The following FMNL2 variants were observed in gnomAD, a reference collection of about 807,000 sequenced individuals.
FMNL2 encodes formin like 2.
FMNL2 carries 51 observed loss-of-function variants against 130.2 expected under a neutral mutation model. The observed-to-expected ratio is 0.39, with a 90% CI of 0.31 to 0.49. FMNL2 has a LOEUF of 0.49. Ranked by LOEUF, FMNL2 falls within the 20% of genes least tolerant of loss-of-function variation. The pLI, the probability that FMNL2 is intolerant of heterozygous loss-of-function variation, is 0.85. For synonymous variants in FMNL2, 465 were observed against 467.1 expected, an observed-to-expected ratio of 1.00 and a Z score of 0.06; for missense variants, 977 against 1,316.2, an observed-to-expected ratio of 0.74 and a Z score of 3.99.
intron 17 of FMNL2, among the ~76,000 whole-genome samples, chr2:152,627,504 A>G (rs550537345): frequency 6.6e-6 from 1 of 152,194 alleles, no homozygotes; most frequent in Non-Finnish European, 1.5e-5. Context: ...CTTTGTTCCA[A>G]TTTTGTGTCC....
chr2:152,418,562 T>C (rs1451145463), intron 1 of FMNL2, among the ~76,000 whole-genome samples: 2 of 152,196 alleles, frequency 1.3e-5, no homozygotes, highest in Non-Finnish European at 2.9e-5. Flanking sequence ...GTTGTGTCCT[T>C]TTGTGTCTGG....
chr2:152,509,699 G>A (rs1692383468), intron 1 of FMNL2, among the ~76,000 whole-genome samples: 1 of 146,162 alleles, frequency 6.8e-6, no homozygotes, highest in Non-Finnish European at 1.5e-5. Flanking sequence ...TCAGGTCCAG[G>A]CCTGGAGTAT....
chr2:152,339,658 G>T (rs575716706), intron 1 of FMNL2, among the ~76,000 whole-genome samples: 2 of 152,108 alleles, frequency 1.3e-5, no homozygotes, highest in Non-Finnish European at 2.9e-5. Flanking sequence ...GGAAGTAATG[G>T]TTTAGGGCAG....
chr2:152,380,901 A>G (rs561185209), intron 1 of FMNL2, among the ~76,000 whole-genome samples: 113 of 152,272 alleles, frequency 7.4e-4, no homozygotes, highest in African/African-American at 2.7e-3. Context: ...ATGGCTGTTC[A>G]GTTTATGGCA....
chr2:152,396,521 C>T (rs993982192), intron 1 of FMNL2, among the ~76,000 whole-genome samples: 74 of 152,146 alleles, frequency 4.9e-4, no homozygotes, highest in Non-Finnish European at 8.7e-4. Flanking sequence ...TGCTCATTTC[C>T]GAAGATAACA....
At chr2:152,491,439 T>G (rs1004431324) in intron 1 of FMNL2, among the ~76,000 whole-genome samples, 1 of 152,102 alleles carries the variant, frequency 6.6e-6, no homozygotes, top group Non-Finnish European at 1.5e-5. Flanking sequence ...CTGATTCAGT[T>G]TTGTGAAAGG....
chr2:152,355,081 C>T (rs2105789932), intron 1 of FMNL2, among the ~76,000 whole-genome samples: 1 of 152,290 alleles, frequency 6.6e-6, no homozygotes. Flanking sequence ...AAAATAATAG[C>T]ATGCCTGGCC....
intron 1 of FMNL2, among the ~76,000 whole-genome samples, chr2:152,342,458 A>T (rs184230980): frequency 6.6e-6 from 1 of 152,170 alleles, no homozygotes; most frequent in Non-Finnish European, 1.5e-5. Flanking sequence ...GCGGCTCTTT[A>T]TGGAGTGCCA....
At chr2:152,471,322 GT>G (rs1425441548) in intron 1 of FMNL2, among the ~76,000 whole-genome samples, 1 of 152,164 alleles carries the variant, frequency 6.6e-6, no homozygotes, top group African/African-American at 2.4e-5. Flanking sequence ...TTACAAATCA[GT>G]TTTTTACAAA....
intron 1 of FMNL2, among the ~76,000 whole-genome samples, chr2:152,358,679 CATA>C (rs2105806486): frequency 7.4e-6 from 1 of 135,824 alleles, no homozygotes; most frequent in African/African-American, 3.7e-5. Context: ...TTCATGTATA[CATA>C]TATCCTATTA....
At chr2:152,643,325 A>T in intron 25 of FMNL2, 2 of 1,490,660 alleles carry the variant, frequency 1.3e-6, no homozygotes, top group South Asian at 1.2e-5. Flanking sequence ...ATCCCCAGGT[A>T]TGATTAACAA....
chr2:152,493,711 T>C (rs1691343014), intron 1 of FMNL2, among the ~76,000 whole-genome samples: 2 of 152,230 alleles, frequency 1.3e-5, no homozygotes, highest in African/African-American at 4.8e-5. Context: ...CTTCCCCTTC[T>C]GCCATAAGTG....
At chr2:152,519,832 C>T (rs1225021327) in intron 1 of FMNL2, among the ~76,000 whole-genome samples, 2 of 152,106 alleles carry the variant, frequency 1.3e-5, no homozygotes, top group African/African-American at 4.8e-5. Flanking sequence ...TTTTCTTATT[C>T]CCTTTATATC....
intron 9 of FMNL2, among the ~76,000 whole-genome samples, chr2:152,590,494 G>A (rs569086583): frequency 5.3e-4 from 81 of 152,050 alleles, no homozygotes; most frequent in African/African-American, 1.9e-3. Flanking sequence ...TGTGCCTGTA[G>A]TCCCAGCTAC....
At chr2:152,376,307 G>A (rs1221585698) in intron 1 of FMNL2, among the ~76,000 whole-genome samples, 4 of 152,204 alleles carry the variant, frequency 2.6e-5, no homozygotes, top group African/African-American at 9.7e-5. Context: ...GAATAATGCT[G>A]CTGTGAGCAT....
chr2:152,490,141 G>A (rs1691062732), intron 1 of FMNL2, among the ~76,000 whole-genome samples: 1 of 152,050 alleles, frequency 6.6e-6, no homozygotes, highest in South Asian at 2.1e-4. Context: ...GTACTAAAAT[G>A]TTAATTTCGC....
At chr2:152,637,961 C>T (rs566692225) in intron 23 of FMNL2, among the ~76,000 whole-genome samples, 10 of 152,334 alleles carry the variant, frequency 6.6e-5, no homozygotes, top group African/African-American at 9.6e-5. Flanking sequence ...TTCACCTAGG[C>T]AGGCAAGGTG....
chr2:152,614,237 G>T (rs528326801), intron 11 of FMNL2, among the ~76,000 whole-genome samples: 33 of 152,206 alleles, frequency 2.2e-4, no homozygotes, highest in African/African-American at 7.7e-4. Flanking sequence ...TAATTTTTCT[G>T]TTGTCCCAAT....
chr2:152,631,274 T>C (rs1364809627), intron 20 of FMNL2, among the ~76,000 whole-genome samples: 2 of 150,458 alleles, frequency 1.3e-5, no homozygotes, highest in Admixed American at 1.3e-4. Flanking sequence ...GCACCTGTAA[T>C]CCCAGCTACT....
Sources: gnomAD v4.1 joint callset for allele counts (sites outside exome capture counted in the v4.1 genomes callset) on GRCh38, gnomAD v4.1.1 for gene constraint, MANE v1.5 for transcripts, NCBI Gene and HGNC (gene_info 2026-07-23, HGNC 2026-07-21) for gene names.